The following CHL1 variants were observed in gnomAD, a reference collection of about 807,000 sequenced individuals.
CHL1 encodes cell adhesion molecule L1 like.
A neutral mutation model predicts 141.9 loss-of-function variants in CHL1; 96 were observed. That is an observed-to-expected ratio of 0.68 (90% CI 0.57 to 0.80). The LOEUF is 0.80. Ranked by LOEUF, CHL1 falls within the 30% of genes least tolerant of loss-of-function variation. CHL1 has a pLI of 0.00. For synonymous variants in CHL1, 613 were observed against 502.2 expected (o/e 1.22, Z -2.95); for missense variants, 1,820 against 1,457.2 (o/e 1.25, Z -4.05).
chr3:209,060 T>A (rs1309248774), intron 1 of CHL1, among the ~76,000 whole-genome samples: 4 of 152,202 alleles, frequency 2.6e-5, no homozygotes, highest in Non-Finnish European at 4.4e-5. Flanking sequence ...TTTCAACAGC[T>A]ACTTCAGGTA....
At chr3:250,508 G>A (rs1038351973) in intron 2 of CHL1, among the ~76,000 whole-genome samples, 2 of 152,002 alleles carry the variant, frequency 1.3e-5, no homozygotes, top group African/African-American at 4.8e-5. Flanking sequence ...ATCTATCTCA[G>A]TACTGAGTTT....
intron 1 of CHL1, among the ~76,000 whole-genome samples, chr3:206,100 A>G (rs1270488144): frequency 6.6e-6 from 1 of 152,238 alleles, no homozygotes; most frequent in Non-Finnish European, 1.5e-5. Context: ...GTGGAAAAGT[A>G]GACATAAAGG....
chr3:366,684 CAAA>C (rs1167579521), intron 15 of CHL1, among the ~76,000 whole-genome samples: 3,219 of 86,524 alleles, frequency 0.037, 68 homozygotes, highest in South Asian at 0.054. Flanking sequence ...TGGATGGTTG[CAAA>C]AAAAAAAAAA....
At chr3:396,305 A>C (rs879912323) in intron 24 of CHL1, among the ~76,000 whole-genome samples, 5 of 152,222 alleles carry the variant, frequency 3.3e-5, no homozygotes, top group Admixed American at 3.3e-4. Flanking sequence ...AAGAGAAGTC[A>C]GAGTGGTAGT....
chr3:380,924 C>A (rs986350441), intron 16 of CHL1, among the ~76,000 whole-genome samples: 3 of 152,118 alleles, frequency 2.0e-5, no homozygotes, highest in Non-Finnish European at 4.4e-5. Context: ...TAAAATATGA[C>A]CCCTATTCTT....
chr3:311,594 C>G (rs1011299284), intron 2 of CHL1, among the ~76,000 whole-genome samples: 1 of 152,132 alleles, frequency 6.6e-6, no homozygotes, highest in African/African-American at 2.4e-5. Flanking sequence ...GAGATAGCAC[C>G]TTGGTTGTAA....
intron 16 of CHL1, among the ~76,000 whole-genome samples, chr3:378,786 C>G (rs1176393433): frequency 6.6e-6 from 1 of 152,190 alleles, no homozygotes; most frequent in Non-Finnish European, 1.5e-5. Context: ...ACCATTCCTT[C>G]TGATGAGGCT....
chr3:366,145 A>T, intron 15 of CHL1, 30 bp downstream of exon 15: 1 of 1,599,628 alleles, frequency 6.3e-7, no homozygotes, highest in Non-Finnish European at 8.5e-7. Context: ...ATGTCATAAT[A>T]TTTGCTTGGG....
In CHL1 at chr3:405,512, C is replaced by T. The variant is rs138591815; in HGVS notation, c.3476C>T (p.Pro1159Leu). ...TTTTCTAGTGACAGTGATGAAAAGC[C>T]TCTCAAAGGAAGCCTTCGGTCCCTT... is the stretch of plus-strand genomic sequence containing the variant. ...FGEYSDSDEKPLKGSLRSLNR... is the reference protein window; with the variant it reads ...FGEYSDSDEKLLKGSLRSLNR... The change falls in exon 28 of 28, where the codon CCT becomes CTT. Residue 1159 changes from proline to leucine, a missense_variant. Physicochemically the swap from Pro to Leu is moderately conservative, Grantham distance 98. Transcript: ENST00000256509. 1.5e-4 allele frequency: 248 copies of T among 1,612,022 alleles called. No individual in the cohort carries two copies. Among genetic ancestry groups the T allele is most frequent in the Non-Finnish European group, 2.0e-4 (230 of 1,178,592 alleles).
intron 2 of CHL1, among the ~76,000 whole-genome samples, chr3:284,608 G>T (rs1696964403): frequency 6.6e-6 from 1 of 152,198 alleles, no homozygotes; most frequent in Non-Finnish European, 1.5e-5. Context: ...AAAATATCCT[G>T]TGTGATAAGA....
chr3:242,115 A>G (rs1004147997), intron 1 of CHL1, among the ~76,000 whole-genome samples: 1 of 152,180 alleles, frequency 6.6e-6, no homozygotes, highest in Non-Finnish European at 1.5e-5. Flanking sequence ...AATTTATCAT[A>G]AGAAAAGATT....
In CHL1 at chr3:356,554, T is replaced by C. The variant is rs150376089; in HGVS notation, c.1165+1783T>C. On this transcript the variant is annotated intron_variant, in intron 11 of 27. Transcript: ENST00000256509. Reference sequence around the variant, plus strand: ...TGCTATGGTGTGATAAAGCAGAAAATAGCTGGGTAAGGGCAGTGCCTGAAA... The same window carrying C: ...TGCTATGGTGTGATAAAGCAGAAAACAGCTGGGTAAGGGCAGTGCCTGAAA... Among the ~76,000 whole-genome samples the C allele has an allele frequency of 2.1e-3, 327 of 152,120 alleles. 2 individuals are homozygous for C. Among genetic ancestry groups the C allele is most frequent in the African/African-American group, 7.5e-3 (313 of 41,496 alleles).
At chr3:400,644 T>A (rs996608564) in intron 26 of CHL1, among the ~76,000 whole-genome samples, 9 of 148,908 alleles carry the variant, frequency 6.0e-5, no homozygotes, top group African/African-American at 1.7e-4. Flanking sequence ...ATTCCACTAA[T>A]AAGAGAAATC....
chr3:384,582 T>C (rs1306390093), intron 19 of CHL1: 1 of 152,234 alleles, frequency 6.6e-6, no homozygotes, highest in African/African-American at 2.4e-5. Flanking sequence ...TTAATTATTC[T>C]AGGGTCATTT....
chr3:217,354 A>T (rs983408255), intron 1 of CHL1, among the ~76,000 whole-genome samples: 1 of 152,274 alleles, frequency 6.6e-6, no homozygotes, highest in Middle Eastern at 3.4e-3. Context: ...TGAGCTGCGA[A>T]CAAATCCCAG....
At chr3:400,206 T>C (rs1709010689) in intron 26 of CHL1, among the ~76,000 whole-genome samples, 1 of 152,232 alleles carries the variant, frequency 6.6e-6, no homozygotes, top group South Asian at 2.1e-4. Flanking sequence ...AGCAAATATT[T>C]ATTGGGAACC....
intron 19 of CHL1, among the ~76,000 whole-genome samples, chr3:386,880 A>G (rs889196083): frequency 2.6e-5 from 4 of 152,198 alleles, no homozygotes; most frequent in African/African-American, 9.7e-5. Flanking sequence ...AAAATTGTTG[A>G]GAGACTAGGT....
intron 7 of CHL1, among the ~76,000 whole-genome samples, chr3:342,650 G>C (rs1702430434): frequency 6.6e-6 from 1 of 152,156 alleles, no homozygotes; most frequent in Admixed American, 6.5e-5. Context: ...ATAGTTGAAA[G>C]TTGGCATTAC....
intron 1 of CHL1, among the ~76,000 whole-genome samples, chr3:230,800 A>C (rs147843908): frequency 3.3e-5 from 5 of 152,316 alleles, no homozygotes; most frequent in East Asian, 3.9e-4. Context: ...CAATTACACT[A>C]GATTTTATTT....
Sources: allele counts gnomAD v4.1 joint callset (sites outside exome capture counted in the v4.1 genomes callset), GRCh38; gene constraint gnomAD v4.1.1; transcripts MANE v1.5; gene names NCBI Gene and HGNC (gene_info 2026-07-23, HGNC 2026-07-21).